ANPEP: variants seen among roughly 807,000 people sequenced by gnomAD.
ANPEP encodes the protein alanyl aminopeptidase, membrane.
A neutral mutation model predicts 114.6 loss-of-function variants in ANPEP; 70 were observed. That is an observed-to-expected ratio of 0.61 (90% CI 0.50 to 0.75). The LOEUF (loss-of-function observed/expected upper bound fraction) is 0.75. Among genes scored for constraint, ANPEP ranks in the 30% least tolerant of loss-of-function variants. ANPEP has a pLI of 0.00. For synonymous variants in ANPEP, 548 were observed against 522.3 expected (o/e 1.05, Z -0.67); for missense variants, 1,184 against 1,259.5 (o/e 0.94, Z 0.91).
At position 89,790,965 on chromosome 15, in the gene ANPEP, T is replaced by G; in HGVS notation, c.2657A>C (p.Lys886Thr). ...VWDFVQSNWKKLFNDYGGGSF... is the reference protein window; with the variant it reads ...VWDFVQSNWKTLFNDYGGGSF... ...TCCACAGACTCACTCGTTAAAAAGC[T>G]TCTTCCAGTTGCTCTGGACAAAGTC... Residue 886 changes from lysine to threonine, a missense_variant, in exon 19 of 21, where the codon AAG becomes ACG. Coordinates refer to ENST00000300060, the MANE Select transcript of ANPEP (RefSeq NM_001150.3). 1 of 1,614,138 alleles carries G rather than the reference T, an allele frequency of 6.2e-7. No homozygotes were observed. The highest frequency in any genetic ancestry group is 1.7e-5 in the Admixed American group (1 of 60,004).
At chr15:89,793,149 CTCA>C (rs770839514) in intron 15 of ANPEP, 23 bp from the exon 16 acceptor site, 2 of 1,599,198 alleles carry the variant, frequency 1.3e-6, no homozygotes, top group Admixed American at 1.7e-5. Flanking sequence ...AAATATGAAT[CTCA>C]TCAAAGACTC....
rs1436433652 is a variant in ANPEP, at chr15:89,803,255, C to G, written c.1553G>C (p.Trp518Ser). 3 of 1,614,084 alleles carry G rather than the reference C, an allele frequency of 1.9e-6. No individual in the cohort carries two copies. In the South Asian group the frequency reaches 3.3e-5, roughly 18 times the overall value. The change falls in exon 10 of 21, where the codon TGG becomes TCG. Residue 518 changes from tryptophan (W) to serine (S), a missense_variant. Coordinates refer to ENST00000300060, the MANE Select transcript of ANPEP (RefSeq NM_001150.3). This position sits in a 1 kb window ranked among gnomAD's most constrained non-coding sequence, Gnocchi z 4.2. ...GCTACTGACCTCCTGCAGGTGGTCC[C>G]ACAGGTTCAGGTAGATGGTGTTCTG... ...AYQNTIYLNL[W>S]DHLQEAVNNR...
intron 19 of ANPEP, 87 bp downstream of exon 19, chr15:89,790,865 GC>G: frequency 1.3e-6 from 2 of 1,508,458 alleles, no homozygotes; most frequent in African/African-American, 1.4e-5. Flanking sequence ...TCTGGTTAGT[GC>G]CCCCGGCGTG....
chr15:89,806,864 A>T lies in ANPEP; in HGVS notation c.-223-58T>A. ...TGCAGGCGGCCTGGGATCAGGCCCG[A>T]GGGCTGAAGGGCAGGCTTCCGGCTG... On this transcript the variant is annotated intron_variant, in intron 1 of 20. Coordinates refer to ENST00000300060, the MANE Select transcript of ANPEP (RefSeq NM_001150.3). This position sits in a 1 kb window ranked among gnomAD's most constrained non-coding sequence, Gnocchi z 5.7. 1.0e-5 allele frequency: 4 copies of T among 391,818 alleles called. No homozygotes were observed. Among genetic ancestry groups the T allele is most frequent in the East Asian group, 4.5e-5 (1 of 22,072 alleles). 24.3% of individuals were successfully genotyped at this position (391,818 alleles called of 1,614,324 possible). A position where few individuals can be genotyped will look rare whatever the true frequency, so the allele number is the denominator to read the frequency against.
At chr15:89,785,749 T>C (rs1012237748) in intron 20 of ANPEP, among the ~76,000 whole-genome samples, 1 of 152,222 alleles carries the variant, frequency 6.6e-6, no homozygotes, top group African/African-American at 2.4e-5. Context: ...TGTAATATTT[T>C]ATTATAATAT....
rs765125618 is a variant in ANPEP at position 89,792,311 on chromosome 15, G to A, written c.2377C>T (p.Arg793Trp). 5.0e-6 allele frequency: 8 copies of A among 1,614,216 alleles called. No individual in the cohort carries two copies. Among genetic ancestry groups the A allele is most frequent in the Admixed American group, 1.7e-5 (1 of 60,032 alleles). The stretch of plus-strand genomic sequence containing the variant: ...ATAGCGTTGCAGTAGACGGTGGACC[G>A]CAGGTTGGGGTGGATCCTGGTGTGG... The part of the protein sequence containing the change: ...PNNNPIHPNL[R>W]STVYCNAIAQ... The change falls in exon 18 of 21, where the codon CGG becomes TGG. Residue 793 changes from arginine to tryptophan, a missense_variant. Coordinates refer to ENST00000300060, the MANE Select transcript of ANPEP (RefSeq NM_001150.3).
chr15:89,812,764 G>A (rs1301042953), intron 1 of ANPEP, among the ~76,000 whole-genome samples: 1 of 152,070 alleles, frequency 6.6e-6, no homozygotes, highest in Non-Finnish European at 1.5e-5. Flanking sequence ...AAGGTTAAGT[G>A]ATTTGCCCAA....
chr15:89,813,991 T>TGG (rs201152904), intron 1 of ANPEP, among the ~76,000 whole-genome samples: 4,800 of 111,340 alleles, frequency 0.043, 680 homozygotes, highest in African/African-American at 0.18. Context: ...ACCGCACTGC[T>TGG]GGGGGGGGGG....
rs774862244 is a variant in ANPEP, at chr15:89,790,929, C to T, written c.2669+24G>A. ...GCCCCAGCCTCGGCGCTCGCTGTCC[C>T]TGACACCCATTCCACAGACTCACTC... is the stretch of plus-strand genomic sequence containing the variant. On this transcript the variant is annotated intron_variant, in intron 19 of 20. Transcript: ENST00000300060. The T allele has an allele frequency of 5.6e-6, 9 of 1,612,222 alleles. No homozygotes were observed. In the African/African-American group the frequency reaches 8.0e-5, roughly 14 times the overall value.
intron 2 of ANPEP, 42 bp from the exon 3 acceptor site, chr15:89,805,505 G>A: frequency 1.9e-6 from 3 of 1,610,126 alleles, no homozygotes; most frequent in Non-Finnish European, 2.5e-6. Flanking sequence ...AGAGCTGGGG[G>A]TGTGGGAGGG....
At position 89,797,554 on chromosome 15, in the gene ANPEP, C is replaced by T. The variant is rs763493388; in HGVS notation, c.2157+21G>A. ...GCACTGGGGCGAACTGGTTCTTGAA[C>T]CCTACCATGCACCTCCGTACCTTCA... On this transcript the variant is annotated intron_variant, in intron 15 of 20. Transcript: ENST00000300060. 5 of 1,600,624 alleles carry T rather than the reference C, an allele frequency of 3.1e-6. No individual in the cohort carries two copies. In the South Asian group the frequency reaches 5.5e-5, roughly 18 times the overall value.
chr15:89,790,137 C>T (rs982293137), intron 20 of ANPEP, among the ~76,000 whole-genome samples: 6 of 127,082 alleles, frequency 4.7e-5, no homozygotes, highest in African/African-American at 1.9e-4. Flanking sequence ...GGTAAAATTA[C>T]ATGATCAGTG....
At chr15:89,791,135 T>C (rs771502186) in intron 18 of ANPEP, 42 bp from the exon 19 acceptor site, 2 of 1,607,908 alleles carry the variant, frequency 1.2e-6, no homozygotes, top group Non-Finnish European at 1.7e-6. Flanking sequence ...CTAATTCAGG[T>C]GACTCAGGAG....
In ANPEP at chr15:89,805,120, A is replaced by ACTACTTCATTG. The variant is rs772172131; in HGVS notation, c.854_855insCAATGAAGTAG (p.Glu286AsnfsTer18). On this transcript the variant is annotated frameshift_variant, in exon 4 of 21. Transcript: ENST00000300060. LOFTEE classifies it high-confidence loss of function. ...CCTGCTTCTCCACGTAGTCGAACTC[A>ACTACTTCATTG]CTGACAATGAAGGCCAGCAAGTACG... 6.2e-7 allele frequency: 1 copy of ACTACTTCATTG among 1,614,232 alleles called. No homozygotes were observed. Among genetic ancestry groups the ACTACTTCATTG allele is most frequent in the Non-Finnish European group, 8.5e-7 (1 of 1,180,038 alleles).
Position 89,806,043 on chromosome 15 carries a change from C to CGCTGTCCATCTCATACTG in ANPEP, c.523_540dup (p.Gln175_Ser180dup). On this transcript the variant is annotated inframe_insertion, in exon 2 of 21. Transcript: ENST00000300060. This position sits in a 1 kb window ranked among gnomAD's most constrained non-coding sequence, Gnocchi z 5.7. ...TCATCTGCCAACTCCCCCTCGAACT[C>CGCTGTCCATCTCATACTG]GCTGTCCATCTCATACTGGCTGTCC... The CGCTGTCCATCTCATACTG allele has an allele frequency of 6.2e-7, 1 of 1,612,560 alleles. No individual in the cohort carries two copies.
chr15:89,785,447 C>A lies in ANPEP; in HGVS notation c.2806G>T (p.Ala936Ser). 1 of 1,614,144 alleles carries A rather than the reference C, an allele frequency of 6.2e-7. No individual in the cohort carries two copies. Among genetic ancestry groups the A allele is most frequent in the Non-Finnish European group, 8.5e-7 (1 of 1,179,984 alleles). Residue 936 changes from alanine to serine, a missense_variant, in exon 21 of 21, where the codon GCC becomes TCC. Transcript: ENST00000300060. ...GTCTTCTCCAGGGCTTGCTCCAGGG[C>A]CCGGGTGCCTGAGCCGAAGCCTGTT... ...EETGFGSGTRALEQALEKTKA... is the reference protein window; with the variant it reads ...EETGFGSGTRSLEQALEKTKA...
At position 89,785,514 on chromosome 15, in the gene ANPEP, CAA is replaced by C; in HGVS notation, c.2752-15_2752-14del. On this transcript the variant is annotated splice_polypyrimidine_tract_variant and intron_variant, in intron 20 of 20. Transcript: ENST00000300060. ...TGAACTGCTCCAGCTGCCAGAAAAACAAAAGATTCTCAGTCCGGCTGGGTCCC... is the reference window on the plus strand; with the variant it reads ...TGAACTGCTCCAGCTGCCAGAAAAACAAGATTCTCAGTCCGGCTGGGTCCC... 1.2e-6 allele frequency: 2 copies of C among 1,609,860 alleles called. No homozygotes were observed. Among genetic ancestry groups the C allele is most frequent in the Non-Finnish European group, 1.7e-6 (2 of 1,179,270 alleles).
In ANPEP at chr15:89,804,545, T is replaced by C; in HGVS notation, c.970A>G (p.Ile324Val). The C allele has an allele frequency of 6.2e-7, 1 of 1,614,122 alleles. No individual in the cohort carries two copies. The highest frequency in any genetic ancestry group is 8.5e-7 in the Non-Finnish European group (1 of 1,180,004). The change falls in exon 5 of 21, where the codon ATC becomes GTC. Residue 324 changes from isoleucine (I) to valine (V), a missense_variant. Coordinates refer to ENST00000300060, the MANE Select transcript of ANPEP (RefSeq NM_001150.3). ...TAATGACCAGCAAAGAAGTTAAGGA[T>C]GGGGCCCGTCACGTTCAGGGCATAA... ...GDYALNVTGP[I>V]LNFFAGHYDT... is the part of the protein sequence containing the mutation.
rs777732499 is a variant in ANPEP, at chr15:89,806,533, G to A, written c.51C>T (p.Leu17=). The part of the protein sequence containing the change: ...ISKSLGILGI[L]LGVAAVCTII... ...TTGTGCACACGGCTGCCACGCCCAG[G>A]AGGATCCCCAGGATGCCCAGGGACT... is the stretch of plus-strand genomic sequence containing the variant. Residue 17 remains leucine, a synonymous_variant, in exon 2 of 21, where the codon CTC becomes CTT. Coordinates refer to ENST00000300060, the MANE Select transcript of ANPEP (RefSeq NM_001150.3). The surrounding 1 kb of genome is among the most constrained non-coding windows in gnomAD (Gnocchi z 5.7). 1 of 1,613,040 alleles carries A rather than the reference G, an allele frequency of 6.2e-7. No homozygotes were observed. The highest frequency in any genetic ancestry group is 8.5e-7 in the Non-Finnish European group (1 of 1,179,164).
Sources: allele counts gnomAD v4.1 joint callset (sites outside exome capture counted in the v4.1 genomes callset), GRCh38; gene constraint gnomAD v4.1.1; non-coding constraint Gnocchi (gnomAD v3.1); transcripts MANE v1.5; gene names NCBI Gene and HGNC (gene_info 2026-07-23, HGNC 2026-07-21).